Variants in LIMS1 observed in about 807,000 individuals in gnomAD.
LIMS1 encodes LIM and senescent cell antigen-like-containing domain protein 1.
LIMS1 carries 18 observed loss-of-function variants against 44.1 expected under a neutral mutation model. That is an observed-to-expected ratio of 0.41 (90% CI 0.28 to 0.61). LIMS1 has a LOEUF of 0.61. LIMS1 is among the 20% of genes least tolerant of loss of function. LIMS1 has a pLI of 0.32. For missense variants in LIMS1, 201 were observed against 422.0 expected, an observed-to-expected ratio of 0.48 and a Z score of 4.59; for synonymous variants, 93 against 149.1, an observed-to-expected ratio of 0.62 and a Z score of 2.74.
chr2:108,536,759 T>G (rs546706650), intron 1 of LIMS1, among the ~76,000 whole-genome samples: 5 of 152,192 alleles, frequency 3.3e-5, no homozygotes, highest in Admixed American at 6.5e-5. Context: ...TTTTGTATTT[T>G]TTTGGTAGAA....
chr2:108,627,159 A>G (rs1025996077), intron 1 of LIMS1, among the ~76,000 whole-genome samples: 6 of 152,216 alleles, frequency 3.9e-5, no homozygotes, highest in Non-Finnish European at 8.8e-5. Context: ...CTAGGCATGT[A>G]ATAGGCTGTA....
At chr2:108,590,746 A>G (rs924342661) in intron 1 of LIMS1, among the ~76,000 whole-genome samples, 5 of 152,188 alleles carry the variant, frequency 3.3e-5, no homozygotes, top group Non-Finnish European at 5.9e-5. Flanking sequence ...AGAGTCCTCC[A>G]TTGCCTTTCC....
Position 108,633,286 on chromosome 2 carries a change from G to T in LIMS1, c.33-26319G>T, listed in dbSNP as rs570584147. Reference sequence around the variant, plus strand: ...AACTGTCTCTTGAAATAGTCATGTGGTGCTTTGTCTGTAATAGGTTAGAAT... The same window carrying T: ...AACTGTCTCTTGAAATAGTCATGTGTTGCTTTGTCTGTAATAGGTTAGAAT... On this transcript the variant is annotated intron_variant, in intron 1 of 9. Coordinates refer to ENST00000544547, the Ensembl canonical transcript of LIMS1. Among the ~76,000 whole-genome samples, 258 of 152,258 alleles carry T rather than the reference G, an allele frequency of 1.7e-3. 2 individuals carry two copies. The highest frequency in any genetic ancestry group is 5.3e-4 in the Non-Finnish European group (36 of 68,014).
intron 9 of LIMS1, chr2:108,681,296 C>A: frequency 1.0e-6 from 1 of 985,130 alleles, no homozygotes. Flanking sequence ...GGTCCTTTTG[C>A]ATAACTGCTA....
At chr2:108,586,026 A>C (rs1243823237) in intron 1 of LIMS1, among the ~76,000 whole-genome samples, 4 of 152,066 alleles carry the variant, frequency 2.6e-5, no homozygotes, top group Non-Finnish European at 5.9e-5. Flanking sequence ...ACCCCATCTT[A>C]CTAAAAATAC....
chr2:108,581,653 A>G (rs1464971592), intron 1 of LIMS1, among the ~76,000 whole-genome samples: 2 of 152,126 alleles, frequency 1.3e-5, no homozygotes, highest in Non-Finnish European at 2.9e-5. Flanking sequence ...GAGGCTTGCT[A>G]TAGGCTGGGC....
Position 108,558,090 on chromosome 2 carries a change from A to T in LIMS1, c.32+23496A>T, listed in dbSNP as rs562312412. On this transcript the variant is annotated intron_variant, in intron 1 of 9. Coordinates refer to ENST00000544547, the Ensembl canonical transcript of LIMS1. ...GTATAGGACTATGAAGAAAGCCATT[A>T]TGAGAATTCCTGTTACAGTATCTTT... 3.3e-5 allele frequency among the ~76,000 whole-genome samples: 5 copies of T among 152,378 alleles called. No individual in the cohort carries two copies. The South Asian group carries it at 8.3e-4, about 25-fold the overall frequency.
chr2:108,552,770 G>C (rs1684801838), intron 1 of LIMS1, among the ~76,000 whole-genome samples: 1 of 151,970 alleles, frequency 6.6e-6, no homozygotes, highest in African/African-American at 2.4e-5. Context: ...TAGAGATAAG[G>C]TTGCACCGTG....
intron 1 of LIMS1, among the ~76,000 whole-genome samples, chr2:108,621,875 C>T (rs989266295): frequency 3.9e-5 from 6 of 151,902 alleles, no homozygotes; most frequent in Non-Finnish European, 7.4e-5. Context: ...GGGAGGGGTG[C>T]CATGGAGATT....
chr2:108,558,675 A>AT (rs5833291), intron 1 of LIMS1, among the ~76,000 whole-genome samples: 56,163 of 143,370 alleles, frequency 0.39, 12,199 homozygotes, highest in East Asian at 0.89. Flanking sequence ...TTTATTTTTA[A>AT]TTTTTTTTTT....
intron 1 of LIMS1, among the ~76,000 whole-genome samples, chr2:108,603,400 G>A (rs907170575): frequency 6.6e-6 from 1 of 150,598 alleles, no homozygotes; most frequent in African/African-American, 2.4e-5. Context: ...ATTCCTTCTA[G>A]ATTTTCCGAT....
At chr2:108,592,368 A>C (rs1411080240) in intron 1 of LIMS1, among the ~76,000 whole-genome samples, 1 of 152,102 alleles carries the variant, frequency 6.6e-6, no homozygotes, top group Non-Finnish European at 1.5e-5. Context: ...AATGTATGAT[A>C]ATATTGTTGG....
At position 108,565,882 on chromosome 2, in the gene LIMS1, C is replaced by A. The variant is rs1356826184; in HGVS notation, c.32+31288C>A. On this transcript the variant is annotated intron_variant, in intron 1 of 9. Transcript: ENST00000544547. ...TGACAAAAGGACGTGGAAGTTCCCA[C>A]CAGCCCTTCACAAAGCACTATTCTC... Among the ~76,000 whole-genome samples the A allele has an allele frequency of 2.0e-5, 3 of 152,170 alleles. No homozygotes were observed. The East Asian group carries it at 5.8e-4, about 29-fold the overall frequency.
intron 1 of LIMS1, among the ~76,000 whole-genome samples, chr2:108,601,435 G>C (rs1191134109): frequency 2.0e-5 from 3 of 152,104 alleles, no homozygotes; most frequent in Non-Finnish European, 2.9e-5. Flanking sequence ...ACCCAGTCAC[G>C]AGTGCCCTTC....
intron 1 of LIMS1, among the ~76,000 whole-genome samples, chr2:108,625,878 C>G (rs1688543073): frequency 6.6e-6 from 1 of 152,150 alleles, no homozygotes. Flanking sequence ...TGGGAATGTC[C>G]TTGCTTTGGT....
chr2:108,667,333 T>C (rs1312090069), intron 2 of LIMS1, among the ~76,000 whole-genome samples: 1 of 152,098 alleles, frequency 6.6e-6, no homozygotes, highest in Non-Finnish European at 1.5e-5. Context: ...GCAGTATCGC[T>C]TTTTGACTCT....
intron 1 of LIMS1, among the ~76,000 whole-genome samples, chr2:108,639,074 C>A: frequency 6.6e-6 from 1 of 152,112 alleles, no homozygotes; most frequent in East Asian, 1.9e-4. Context: ...TAAGGGCCTC[C>A]TGGTGTTCTT....
intron 1 of LIMS1, among the ~76,000 whole-genome samples, chr2:108,604,580 A>G (rs1278257767): frequency 6.6e-6 from 1 of 152,230 alleles, no homozygotes; most frequent in Non-Finnish European, 1.5e-5. Context: ...ATGACTGGAT[A>G]TTAACATATT....
intron 1 of LIMS1, among the ~76,000 whole-genome samples, chr2:108,597,880 G>A (rs1405181013): frequency 2.0e-5 from 3 of 151,796 alleles, no homozygotes; most frequent in African/African-American, 7.3e-5. Flanking sequence ...TTTTAGTAGA[G>A]ACGGGGTTTC....
Sources: gnomAD v4.1 joint callset for allele counts (sites outside exome capture counted in the v4.1 genomes callset) on GRCh38, gnomAD v4.1.1 for gene constraint, MANE v1.5 for transcripts, NCBI Gene and HGNC (gene_info 2026-07-23, HGNC 2026-07-21) for gene names.